Variants in PTPRM observed in about 807,000 individuals in gnomAD.
PTPRM encodes the protein receptor-type tyrosine-protein phosphatase mu.
A neutral mutation model predicts 186.7 loss-of-function variants in PTPRM; 47 were observed. The observed-to-expected ratio is 0.25, with a 90% CI of 0.20 to 0.32. The LOEUF is 0.32. Ranked by LOEUF, PTPRM falls within the 10% of genes least tolerant of loss-of-function variation. The probability of loss-of-function intolerance (pLI) is 1.00; values close to 1 mark genes in which losing one functional copy is unlikely to be tolerated. For synonymous variants in PTPRM, 668 were observed against 674.9 expected (o/e 0.99, Z 0.16); for missense variants, 1,494 against 1,865.0 (o/e 0.80, Z 3.66).
At chr18:8,167,730 T>C (rs1321186667) in intron 14 of PTPRM, among the ~76,000 whole-genome samples, 1 of 119,850 alleles carries the variant, frequency 8.3e-6, no homozygotes, top group Non-Finnish European at 1.7e-5. Context: ...AGTGAAATAT[T>C]GTGGGCTTGT....
rs539436465 is a variant in PTPRM, at chr18:7,641,789, C to T, written c.73+73898C>T. On this transcript the variant is annotated intron_variant, in intron 1 of 32. Coordinates refer to ENST00000580170, the MANE Select transcript of PTPRM (RefSeq NM_001105244.2). ...GAAACATTTATTGTATACTTACTTT[C>T]GGTCCAGCATTATGCTTTACATACT... is the stretch of plus-strand genomic sequence containing the variant. Among the ~76,000 whole-genome samples, 7 of 152,296 alleles carry T rather than the reference C, an allele frequency of 4.6e-5. No individual in the cohort carries two copies. In the South Asian group the frequency reaches 1.0e-3, roughly 23 times the overall value.
chr18:7,946,280 G>C (rs1335460603), intron 5 of PTPRM, among the ~76,000 whole-genome samples: 3 of 152,164 alleles, frequency 2.0e-5, no homozygotes, highest in Non-Finnish European at 2.9e-5. Flanking sequence ...AGATGCTTCT[G>C]TTTGGAAAAA....
chr18:7,954,740 A>C lies in PTPRM; in HGVS notation c.839-381A>C, dbSNP rs556788323. ...CTGTAATGAGTGGGCTTACTCATTC[A>C]AGATATTGTAATTAGTATCCTAAAA... On this transcript the variant is annotated intron_variant, in intron 6 of 32. Transcript: ENST00000580170. Among the ~76,000 whole-genome samples, 7 of 152,282 alleles carry C rather than the reference A, an allele frequency of 4.6e-5. No homozygotes were observed. The Middle Eastern group carries it at 0.01, about 222-fold the overall frequency.
chr18:8,254,787 G>A (rs2094559324), intron 19 of PTPRM, among the ~76,000 whole-genome samples: 1 of 152,192 alleles, frequency 6.6e-6, no homozygotes, highest in Non-Finnish European at 1.5e-5. Flanking sequence ...GCAACACATG[G>A]TACCACTGTT....
rs1411477977 is a variant in PTPRM at position 8,142,023 on chromosome 18, T to A, written c.2168-1624T>A. Reference sequence around the variant, plus strand: ...AATTTCCTCCCAGTCAGCCACCTGGTGATATGTTCCAATAGAATATTGGAG... The same window carrying A: ...AATTTCCTCCCAGTCAGCCACCTGGAGATATGTTCCAATAGAATATTGGAG... On this transcript the variant is annotated intron_variant, in intron 13 of 32. Transcript: ENST00000580170. 3.9e-5 allele frequency among the ~76,000 whole-genome samples: 6 copies of A among 152,322 alleles called. No individual in the cohort carries two copies. The East Asian group carries it at 1.2e-3, about 29-fold the overall frequency.
At chr18:8,348,946 A>G (rs2095519919) in intron 23 of PTPRM, among the ~76,000 whole-genome samples, 1 of 152,170 alleles carries the variant, frequency 6.6e-6, no homozygotes, top group Non-Finnish European at 1.5e-5. Flanking sequence ...GACCTCTATC[A>G]CAGTAGGGGA....
intron 27 of PTPRM, 35 bp downstream of exon 27, chr18:8,378,449 G>T: frequency 6.2e-7 from 1 of 1,606,142 alleles, no homozygotes; most frequent in South Asian, 1.1e-5. Context: ...ACTGCACGGT[G>T]ACTTGCTCCT....
chr18:8,135,810 T>C (rs995446200), intron 13 of PTPRM, among the ~76,000 whole-genome samples: 8 of 152,196 alleles, frequency 5.3e-5, no homozygotes, highest in Non-Finnish European at 1.2e-4. Context: ...ACACATCTCA[T>C]GCAATTTGCT....
chr18:8,397,268 G>A (rs1230757762), intron 32 of PTPRM, among the ~76,000 whole-genome samples: 3 of 152,214 alleles, frequency 2.0e-5, no homozygotes, highest in Admixed American at 6.5e-5. Flanking sequence ...AAATGCTACC[G>A]CTCTACCCTC....
chr18:8,219,852 T>C (rs1486152400), intron 14 of PTPRM, among the ~76,000 whole-genome samples: 1 of 152,182 alleles, frequency 6.6e-6, no homozygotes, highest in Non-Finnish European at 1.5e-5. Flanking sequence ...AGGCATGACT[T>C]AACCCTTGCC....
chr18:7,994,772 A>G (rs914488199), intron 7 of PTPRM, among the ~76,000 whole-genome samples: 1 of 152,142 alleles, frequency 6.6e-6, no homozygotes, highest in Non-Finnish European at 1.5e-5. Context: ...AAATGGAAAC[A>G]AATGAAAATG....
intron 27 of PTPRM, among the ~76,000 whole-genome samples, 180 bp downstream of exon 27, chr18:8,378,594 A>G (rs1385869211): frequency 5.3e-5 from 8 of 152,158 alleles, no homozygotes; most frequent in African/African-American, 1.9e-4. Context: ...TCACCACCAC[A>G]CAAAAATGTG....
chr18:7,842,947 T>TATATATATATATATAGAGAGAGAGAG lies in PTPRM; in HGVS notation c.197-45158_197-45157insTATATATATATATAGAGAGAGAGAGA, dbSNP rs370746043. Among the ~76,000 whole-genome samples, 9 of 112,114 alleles carry TATATATATATATATAGAGAGAGAGAG rather than the reference T, an allele frequency of 8.0e-5. No homozygotes were observed. The East Asian group carries it at 2.2e-3, about 27-fold the overall frequency. The allele number at this position is 112,114 out of a possible 152,430, so 73.6% of individuals were successfully genotyped here. On this transcript the variant is annotated intron_variant, in intron 2 of 32. Transcript: ENST00000580170. ...GTGTGTGTGTATATATATATATATA[T>TATATATATATATATAGAGAGAGAGAG]AGAGAGAGAGAGAGAGAGAGAGAGA...
At chr18:8,219,284 GGTGAAACCCCGTCTCTACTTAAAA>G (rs1443812435) in intron 14 of PTPRM, among the ~76,000 whole-genome samples, 1 of 152,126 alleles carries the variant, frequency 6.6e-6, no homozygotes, top group African/African-American at 2.4e-5. Context: ...TGGCTAACAT[GGTGAAACCCCGTCTCTACTTAAAA>G]TACAAAAAAT....
At chr18:7,742,473 A>G (rs899938862) in intron 1 of PTPRM, among the ~76,000 whole-genome samples, 1 of 152,186 alleles carries the variant, frequency 6.6e-6, no homozygotes, top group Admixed American at 6.5e-5. Context: ...TCTGGTAATC[A>G]TTTTTATTTA....
chr18:7,997,783 A>G lies in PTPRM; in HGVS notation c.1132+42369A>G, dbSNP rs1445357786. On this transcript the variant is annotated intron_variant, in intron 7 of 32. Coordinates refer to ENST00000580170, the MANE Select transcript of PTPRM (RefSeq NM_001105244.2). ...CTGCAGCTGTACGAAAAAAATGCTC[A>G]ACATCACCAATCATTAGAGAAGTGC... 2.6e-5 allele frequency among the ~76,000 whole-genome samples: 4 copies of G among 152,350 alleles called. No homozygotes were observed. In the East Asian group the frequency reaches 7.7e-4, roughly 29 times the overall value.
At chr18:7,643,504 T>A (rs995507324) in intron 1 of PTPRM, among the ~76,000 whole-genome samples, 1 of 152,044 alleles carries the variant, frequency 6.6e-6, no homozygotes, top group African/African-American at 2.4e-5. Flanking sequence ...CATGCCTGGC[T>A]AATTTTTTTG....
At chr18:8,309,957 A>G (rs2095255601) in intron 20 of PTPRM, among the ~76,000 whole-genome samples, 1 of 151,986 alleles carries the variant, frequency 6.6e-6, no homozygotes, top group Admixed American at 6.6e-5. Context: ...CCAACAACCT[A>G]CTCCATATCT....
chr18:7,983,876 A>G (rs549963235), intron 7 of PTPRM, among the ~76,000 whole-genome samples: 4 of 152,326 alleles, frequency 2.6e-5, no homozygotes, highest in Admixed American at 6.5e-5. Flanking sequence ...AGCTGTCAAT[A>G]AAAACCCCAC....
Sources: gnomAD v4.1 joint callset for allele counts (sites outside exome capture counted in the v4.1 genomes callset) on GRCh38, gnomAD v4.1.1 for gene constraint, MANE v1.5 for transcripts, NCBI Gene and HGNC (gene_info 2026-07-23, HGNC 2026-07-21) for gene names.